Variants in GATA4 observed in about 807,000 individuals in gnomAD.
GATA4 encodes the protein GATA binding protein 4, also known as transcription factor GATA-4.
A neutral mutation model predicts 37.9 loss-of-function variants in GATA4; 7 were observed. That is an observed-to-expected ratio of 0.18 (90% CI 0.11 to 0.35). The LOEUF (loss-of-function observed/expected upper bound fraction) is 0.35, where lower values mean the gene tolerates loss of function less well. Among genes scored for constraint, GATA4 ranks in the 10% least tolerant of loss-of-function variants. The probability of loss-of-function intolerance (pLI) is 1.00; values close to 1 mark genes in which losing one functional copy is unlikely to be tolerated. For missense variants in GATA4, 647 were observed against 653.0 expected (o/e 0.99, Z 0.10); for synonymous variants, 372 against 292.6 (o/e 1.27, Z -2.77).
intron 1 of GATA4, chr8:11,697,933 C>G (rs1215602873): frequency 1.4e-5 from 14 of 985,370 alleles, no homozygotes; most frequent in Non-Finnish European, 1.7e-5. Context: ...CTGATGTGCG[C>G]GTTGAGGTCT....
chr8:11,692,869 G>A (rs1178085277), intron 1 of GATA4: 2 of 980,998 alleles, frequency 2.0e-6, no homozygotes, highest in East Asian at 1.2e-4. Flanking sequence ...GAGCGCCGCC[G>A]AGTTTGCGCC....
intron 1 of GATA4, among the ~76,000 whole-genome samples, chr8:11,696,132 G>A (rs746480146): frequency 2.6e-5 from 4 of 152,096 alleles, no homozygotes; most frequent in Non-Finnish European, 5.9e-5. Flanking sequence ...ATTTATTGAA[G>A]TGCAACTTAT....
chr8:11,735,979 T>C (rs1315539479), intron 2 of GATA4, among the ~76,000 whole-genome samples: 1 of 152,206 alleles, frequency 6.6e-6, no homozygotes, highest in African/African-American at 2.4e-5. Context: ...GGTGCGATCA[T>C]AACTCGCTTG....
At chr8:11,744,554 G>C (rs550663645) in intron 2 of GATA4, among the ~76,000 whole-genome samples, 2 of 152,336 alleles carry the variant, frequency 1.3e-5, no homozygotes, top group East Asian at 3.9e-4. Flanking sequence ...GCTTACCGAG[G>C]TTCATACCAG....
intron 2 of GATA4, among the ~76,000 whole-genome samples, chr8:11,717,000 C>G (rs963889559): frequency 1.2e-4 from 18 of 152,216 alleles, no homozygotes; most frequent in African/African-American, 4.3e-4. Context: ...ACATCTGAAA[C>G]TATTTGTCTT....
At chr8:11,737,079 G>C (rs1801496616) in intron 2 of GATA4, among the ~76,000 whole-genome samples, 1 of 152,066 alleles carries the variant, frequency 6.6e-6, no homozygotes, top group South Asian at 2.1e-4. Flanking sequence ...CGGTGGATTA[G>C]CAGGAGAAGA....
chr8:11,682,400 G>A lies in GATA4; in HGVS notation c.-274+5337G>A, dbSNP rs78139285. Reference sequence around the variant, plus strand: ...TATCATAATAATGATAGAACAATTCGTCTTTTTTGTAGATAAATAATGATT... The same window carrying A: ...TATCATAATAATGATAGAACAATTCATCTTTTTTGTAGATAAATAATGATT... On this transcript the variant is annotated intron_variant, in intron 1 of 6. Coordinates refer to the GATA4 transcript ENST00000528712. 6.2e-3 allele frequency among the ~76,000 whole-genome samples: 943 copies of A among 152,220 alleles called. 10 individuals are homozygous for A. The highest frequency in any genetic ancestry group is 0.022 in the African/African-American group (899 of 41,518).
chr8:11,753,744 T>C (rs993601955), intron 4 of GATA4, among the ~76,000 whole-genome samples: 4 of 152,242 alleles, frequency 2.6e-5, no homozygotes, highest in African/African-American at 9.6e-5. Flanking sequence ...AGTTCACATA[T>C]GCTGGTGCAT....
At chr8:11,752,683 A>G (rs985210704) in intron 4 of GATA4, among the ~76,000 whole-genome samples, 2 of 152,240 alleles carry the variant, frequency 1.3e-5, no homozygotes, top group Non-Finnish European at 2.9e-5. Context: ...GTAAGAATAT[A>G]TAACAGGCTG....
At chr8:11,687,609 A>T (rs1175373423) in intron 1 of GATA4, among the ~76,000 whole-genome samples, 2 of 152,208 alleles carry the variant, frequency 1.3e-5, no homozygotes, top group East Asian at 3.8e-4. Flanking sequence ...TTTATAGATG[A>T]GAAAACTGAG....
At position 11,718,214 on chromosome 8, in the gene GATA4, T is replaced by C. The variant is rs1240077576; in HGVS notation, c.616+9286T>C. Among the ~76,000 whole-genome samples, 3 of 152,232 alleles carry C rather than the reference T, an allele frequency of 2.0e-5. No homozygotes were observed. In the East Asian group the frequency reaches 5.8e-4, roughly 29 times the overall value. On this transcript the variant is annotated intron_variant, in intron 2 of 6. Coordinates refer to ENST00000532059, the MANE Select transcript of GATA4 (RefSeq NM_001308093.3). ...CCCCGTGGAATTGGTCTGAACTGAA[T>C]GTAGCAGCCCATCAGTGGAAGTTTT...
intron 1 of GATA4, among the ~76,000 whole-genome samples, chr8:11,695,812 C>T (rs1415267165): frequency 6.6e-6 from 1 of 152,178 alleles, no homozygotes; most frequent in African/African-American, 2.4e-5. Context: ...CACCGGCGCT[C>T]GTATGTTTGT....
intron 1 of GATA4, among the ~76,000 whole-genome samples, chr8:11,685,425 G>C (rs1799105056): frequency 1.3e-5 from 2 of 152,328 alleles, no homozygotes; most frequent in South Asian, 4.1e-4. Flanking sequence ...CAAATATTTT[G>C]AGAGAGGTGA....
rs1405047773 is a variant in GATA4, at chr8:11,693,562, C to CACAGAGAGAGAGAGAGAGAG, written c.-729+903_-729+904insCAGAGAGAGAGAGAGAGAGA. Among the ~76,000 whole-genome samples the CACAGAGAGAGAGAGAGAGAG allele has an allele frequency of 3.0e-4, 22 of 72,218 alleles. No individual in the cohort carries two copies. The South Asian group carries it at 6.5e-3, about 21-fold the overall frequency. 47.4% of individuals were successfully genotyped at this position (72,218 alleles called of 152,430 possible). ...ACACACACACACACACACACACACA[C>CACAGAGAGAGAGAGAGAGAG]AGAGAGAGAGAGAGAGAGAGAGAGA... On this transcript the variant is annotated intron_variant, in intron 1 of 2. Coordinates refer to the GATA4 transcript ENST00000526974.
intron 1 of GATA4, among the ~76,000 whole-genome samples, chr8:11,677,632 G>T (rs1004171403): frequency 6.6e-6 from 1 of 152,144 alleles, no homozygotes; most frequent in East Asian, 1.9e-4. Flanking sequence ...TTGCTTTTGG[G>T]GTCAGAAAGT....
At chr8:11,693,139 A>G (rs964547913) in intron 1 of GATA4, 14 of 935,270 alleles carry the variant, frequency 1.5e-5, no homozygotes, top group Non-Finnish European at 1.8e-5. Flanking sequence ...TGTGGTGTTC[A>G]TTTGTTCCTA....
In GATA4 at chr8:11,758,374, T is replaced by C. The variant is rs372808540; in HGVS notation, c.1231T>C (p.Tyr411His). ...GGCCCTGAAGCTCTCCCCACAAGGC[T>C]ATGCGTCTCCCGTCAGCCAGTCTCC... ...LSALKLSPQG[Y>H]ASPVSQSPQT... Residue 411 changes from tyrosine to histidine, a missense_variant, in exon 7 of 7, where the codon TAT becomes CAT. By Grantham distance (83) the Tyr-to-His change is moderately conservative. Coordinates refer to ENST00000532059, the MANE Select transcript of GATA4 (RefSeq NM_001308093.3). 1.2e-5 allele frequency: 20 copies of C among 1,614,076 alleles called. No homozygotes were observed. The highest frequency in any genetic ancestry group is 1.5e-5 in the Non-Finnish European group (18 of 1,180,022).
rs886734358 is a variant in GATA4, at chr8:11,694,488, T to G, written c.-729+1828T>G. ...CCAGCTCTCCGAGCCGTGGACTGCA[T>G]CCTCATCACTTCTTTCCCTTGCCAC... On this transcript the variant is annotated intron_variant, in intron 1 of 2. Coordinates refer to the GATA4 transcript ENST00000526974. The G allele has an allele frequency of 1.4e-4, 136 of 985,394 alleles. 1 individual carries two copies. The African/African-American group carries it at 2.2e-3, about 16-fold the overall frequency. The allele number at this position is 985,394 out of a possible 1,614,324, so 61.0% of individuals were successfully genotyped here.
intron 2 of GATA4, among the ~76,000 whole-genome samples, chr8:11,732,624 G>A (rs1415695831): frequency 6.6e-6 from 1 of 152,208 alleles, no homozygotes; most frequent in Admixed American, 6.5e-5. Flanking sequence ...AACACGTCAG[G>A]TGAACCCGAG....
Sources: allele counts gnomAD v4.1 joint callset (sites outside exome capture counted in the v4.1 genomes callset), GRCh38; gene constraint gnomAD v4.1.1; transcripts MANE v1.5; gene names NCBI Gene and HGNC (gene_info 2026-07-23, HGNC 2026-07-21).